CNTNAP2: variants seen among roughly 807,000 people sequenced by gnomAD.
The protein encoded by CNTNAP2 is contactin-associated protein-like 2.
CNTNAP2 carries 98 observed loss-of-function variants against 155.2 expected under a neutral mutation model. The ratio of observed to expected loss-of-function variants is 0.63; its 90% CI spans 0.54 to 0.75. The LOEUF (loss-of-function observed/expected upper bound fraction) is 0.75, where lower values mean the gene tolerates loss of function less well. Ranked by LOEUF, CNTNAP2 falls within the 30% of genes least tolerant of loss-of-function variation. The pLI, the probability that CNTNAP2 is intolerant of heterozygous loss-of-function variation, is 0.00. For synonymous variants in CNTNAP2, 651 were observed against 631.2 expected, an observed-to-expected ratio of 1.03 and a Z score of -0.47; for missense variants, 1,727 against 1,688.1, an observed-to-expected ratio of 1.02 and a Z score of -0.40.
At chr7:147,237,451 T>C (rs1327790813) in intron 8 of CNTNAP2, among the ~76,000 whole-genome samples, 2 of 152,222 alleles carry the variant, frequency 1.3e-5, no homozygotes, top group Non-Finnish European at 2.9e-5. Context: ...TTTCTGCACA[T>C]GCCCAGGGTA....
At chr7:146,879,609 G>C (rs1201250750) in intron 3 of CNTNAP2, among the ~76,000 whole-genome samples, 2 of 151,952 alleles carry the variant, frequency 1.3e-5, no homozygotes, top group African/African-American at 4.8e-5. Context: ...CCAAGATATG[G>C]GAATTAAGGC....
chr7:146,805,725 C>A (rs1802955841), intron 2 of CNTNAP2, among the ~76,000 whole-genome samples: 1 of 152,042 alleles, frequency 6.6e-6, no homozygotes, highest in Admixed American at 6.6e-5. Flanking sequence ...GAAGAGTTGT[C>A]CAAAGCAAGT....
At chr7:147,738,042 C>G (rs557368541) in intron 13 of CNTNAP2, among the ~76,000 whole-genome samples, 18 of 152,298 alleles carry the variant, frequency 1.2e-4, no homozygotes, top group Non-Finnish European at 2.2e-4. Flanking sequence ...CACTGTCCAA[C>G]AATCCCCAGT....
At chr7:147,193,606 C>T (rs1802723798) in intron 8 of CNTNAP2, among the ~76,000 whole-genome samples, 1 of 152,116 alleles carries the variant, frequency 6.6e-6, no homozygotes, top group Non-Finnish European at 1.5e-5. Context: ...ATATGAGGTA[C>T]ATAACCTGGG....
At chr7:147,604,952 A>T (rs528921887) in intron 12 of CNTNAP2, among the ~76,000 whole-genome samples, 94 of 152,342 alleles carry the variant, frequency 6.2e-4, no homozygotes, top group African/African-American at 2.2e-3. Context: ...TGAAACAAAT[A>T]TCAATGAATA....
At chr7:146,154,635 G>A (rs188137288) in intron 1 of CNTNAP2, among the ~76,000 whole-genome samples, 3 of 152,154 alleles carry the variant, frequency 2.0e-5, no homozygotes, top group East Asian at 1.9e-4. Flanking sequence ...GTCTCACAAA[G>A]CATTTACAGC....
chr7:146,814,317 C>G (rs539605605), intron 2 of CNTNAP2, among the ~76,000 whole-genome samples: 16 of 152,174 alleles, frequency 1.1e-4, no homozygotes, highest in African/African-American at 3.6e-4. Flanking sequence ...AATCATTAAT[C>G]TCTTTGTCTC....
At chr7:147,817,579 T>C (rs1798287206) in intron 13 of CNTNAP2, among the ~76,000 whole-genome samples, 1 of 151,508 alleles carries the variant, frequency 6.6e-6, no homozygotes, top group African/African-American at 2.4e-5. Context: ...ATGCCACCTG[T>C]ACTCCAATAA....
At chr7:147,184,725 A>G (rs1350457949) in intron 8 of CNTNAP2, among the ~76,000 whole-genome samples, 1 of 152,188 alleles carries the variant, frequency 6.6e-6, no homozygotes, top group Non-Finnish European at 1.5e-5. Context: ...GAGAAGTTGG[A>G]AGGAGAAGAA....
intron 11 of CNTNAP2, among the ~76,000 whole-genome samples, chr7:147,491,877 T>A (rs1446075185): frequency 6.6e-6 from 1 of 152,212 alleles, no homozygotes; most frequent in Non-Finnish European, 1.5e-5. Flanking sequence ...TTAAACATTA[T>A]TCTAAGAAAT....
chr7:147,104,407 G>A (rs1452646244), intron 4 of CNTNAP2, among the ~76,000 whole-genome samples: 3 of 151,824 alleles, frequency 2.0e-5, no homozygotes, highest in Non-Finnish European at 4.4e-5. Context: ...TTATCCATAT[G>A]TGTATCTATG....
intron 1 of CNTNAP2, among the ~76,000 whole-genome samples, chr7:146,516,742 A>G (rs1321456171): frequency 1.3e-5 from 2 of 151,976 alleles, no homozygotes; most frequent in Admixed American, 1.3e-4. Context: ...GATGAAATAC[A>G]AGGTTTATGA....
intron 2 of CNTNAP2, among the ~76,000 whole-genome samples, chr7:146,815,045 C>T (rs1173780536): frequency 1.3e-5 from 2 of 152,068 alleles, no homozygotes; most frequent in African/African-American, 4.8e-5. Context: ...TTCAATTCTT[C>T]AATTTAGAGT....
At chr7:147,467,457 A>G (rs1333951861) in intron 10 of CNTNAP2, among the ~76,000 whole-genome samples, 1 of 152,152 alleles carries the variant, frequency 6.6e-6, no homozygotes, top group Non-Finnish European at 1.5e-5. Flanking sequence ...TACCACATGA[A>G]CTCACTTATA....
chr7:146,781,544 G>A (rs1429347731), intron 2 of CNTNAP2, among the ~76,000 whole-genome samples: 1 of 152,022 alleles, frequency 6.6e-6, no homozygotes, highest in Admixed American at 6.6e-5. Flanking sequence ...TAAGCATGAC[G>A]CCAACCTCTT....
chr7:147,071,732 A>C (rs1799896358), intron 4 of CNTNAP2, among the ~76,000 whole-genome samples: 4 of 152,198 alleles, frequency 2.6e-5, no homozygotes, highest in African/African-American at 9.6e-5. Flanking sequence ...GCACAGAATG[A>C]ATCAACTAGC....
chr7:146,727,854 G>A (rs757744381), intron 1 of CNTNAP2, among the ~76,000 whole-genome samples: 3 of 152,116 alleles, frequency 2.0e-5, no homozygotes, highest in Non-Finnish European at 4.4e-5. Context: ...TTTTTGGACA[G>A]GGAGATGTCC....
chr7:148,066,976 A>G (rs2373317), intron 15 of CNTNAP2, among the ~76,000 whole-genome samples: 22,832 of 151,672 alleles, frequency 0.15, 2,197 homozygotes, highest in East Asian at 0.46. Context: ...TATGTTATGT[A>G]TTTCTCTAGA....
At chr7:146,428,375 A>C (rs985985049) in intron 1 of CNTNAP2, among the ~76,000 whole-genome samples, 1 of 151,076 alleles carries the variant, frequency 6.6e-6, no homozygotes, top group African/African-American at 2.5e-5. Flanking sequence ...GTGTAAAAGC[A>C]TTCCTTTTTT....
Sources: allele counts gnomAD v4.1 joint callset (sites outside exome capture counted in the v4.1 genomes callset), GRCh38; gene constraint gnomAD v4.1.1; transcripts MANE v1.5; gene names NCBI Gene and HGNC (gene_info 2026-07-23, HGNC 2026-07-21).